MPHOSPH6: variants seen among roughly 807,000 people sequenced by gnomAD.
MPHOSPH6 encodes the protein M-phase phosphoprotein 6.
MPHOSPH6 carries 25 observed loss-of-function variants against 21.8 expected under a neutral mutation model. The ratio of observed to expected loss-of-function variants is 1.15; its 90% CI spans 0.83 to 1.60. The LOEUF (loss-of-function observed/expected upper bound fraction) is 1.60, where lower values mean the gene tolerates loss of function less well. Among genes scored for constraint, MPHOSPH6 ranks in the 40% most tolerant of loss-of-function variants. The pLI is 0.00. For missense variants in MPHOSPH6, 269 were observed against 181.8 expected (o/e 1.48, Z -2.76); for synonymous variants, 84 against 56.5 (o/e 1.49, Z -2.18).
chr16:82,168,469 TC>T (rs1179333336), intron 1 of MPHOSPH6, among the ~76,000 whole-genome samples: 1 of 45,978 alleles, frequency 2.2e-5, no homozygotes, highest in African/African-American at 1.2e-4. Flanking sequence ...GTTTACTCTC[TC>T]TCTTTTTTTT....
intron 1 of MPHOSPH6, chr16:82,167,705 A>G (rs766070734): frequency 6.6e-6 from 1 of 152,280 alleles, no homozygotes; most frequent in South Asian, 2.1e-4. Context: ...TTCTGATCCT[A>G]GGAGAATCTA....
intron 2 of MPHOSPH6, among the ~76,000 whole-genome samples, chr16:82,153,999 C>T (rs1280611337): frequency 6.6e-6 from 1 of 152,028 alleles, no homozygotes; most frequent in Non-Finnish European, 1.5e-5. Flanking sequence ...AATCTCTCAT[C>T]TAAAGATCTG....
intron 2 of MPHOSPH6, among the ~76,000 whole-genome samples, chr16:82,160,656 G>C (rs1054354255): frequency 1.3e-5 from 2 of 152,202 alleles, no homozygotes; most frequent in Admixed American, 6.5e-5. Flanking sequence ...CAGCTATGAT[G>C]CAAATCCACT....
chr16:82,160,665 C>T (rs779500746), intron 2 of MPHOSPH6, among the ~76,000 whole-genome samples: 1 of 152,192 alleles, frequency 6.6e-6, no homozygotes, highest in Non-Finnish European at 1.5e-5. Context: ...TGCAAATCCA[C>T]TGGGTGCACA....
intron 2 of MPHOSPH6, among the ~76,000 whole-genome samples, chr16:82,154,663 T>A (rs773595063): frequency 1.7e-4 from 26 of 151,648 alleles, no homozygotes; most frequent in African/African-American, 5.1e-4. Flanking sequence ...AAAAACAATT[T>A]AAAAAAATAA....
intron 1 of MPHOSPH6, among the ~76,000 whole-genome samples, chr16:82,166,784 C>T (rs952384085): frequency 6.6e-6 from 1 of 152,216 alleles, no homozygotes; most frequent in Non-Finnish European, 1.5e-5. Flanking sequence ...CTCATCAATA[C>T]TGCCCAACTG....
intron 2 of MPHOSPH6, among the ~76,000 whole-genome samples, chr16:82,161,152 C>T (rs1307813564): frequency 6.6e-6 from 1 of 152,220 alleles, no homozygotes; most frequent in Non-Finnish European, 1.5e-5. Context: ...CTTATGAAGG[C>T]TCCTGTGTCA....
chr16:82,149,536 CT>C lies in MPHOSPH6; in HGVS notation c.256-134del, dbSNP rs1412112665. 298 of 738,080 alleles carry C rather than the reference CT, an allele frequency of 4.0e-4. No individual in the cohort carries two copies. The East Asian group carries it at 7.6e-3, about 19-fold the overall frequency. 45.7% of individuals were successfully genotyped at this position (738,080 alleles called of 1,614,324 possible). The stretch of plus-strand genomic sequence containing the variant: ...CTAGTCAAAATTGATAAGGGACTCT[CT>C]GTAATACTTGATACCACAATGGTGT... On this transcript the variant is annotated intron_variant, in intron 3 of 4. Transcript: ENST00000258169.
At chr16:82,168,464 C>CTG (rs1906860902) in intron 1 of MPHOSPH6, among the ~76,000 whole-genome samples, 1 of 48,770 alleles carries the variant, frequency 2.1e-5, no homozygotes, top group Non-Finnish European at 3.8e-5. Context: ...ATAATGTTTA[C>CTG]TCTCTCTCTT....
chr16:82,158,842 G>A (rs1476514561), intron 2 of MPHOSPH6, among the ~76,000 whole-genome samples: 2 of 152,174 alleles, frequency 1.3e-5, no homozygotes, highest in Non-Finnish European at 2.9e-5. Flanking sequence ...ACTAATGAAT[G>A]TGATTTTTGA....
At chr16:82,156,978 G>A (rs1248167935) in intron 2 of MPHOSPH6, among the ~76,000 whole-genome samples, 1 of 152,138 alleles carries the variant, frequency 6.6e-6, no homozygotes, top group Admixed American at 6.5e-5. Context: ...GCTTGAACCT[G>A]GGAAGCAGGC....
At chr16:82,159,895 C>G (rs1207882943) in intron 2 of MPHOSPH6, among the ~76,000 whole-genome samples, 1 of 152,170 alleles carries the variant, frequency 6.6e-6, no homozygotes, top group Non-Finnish European at 1.5e-5. Context: ...TTTCTATGAA[C>G]TTGGGATTCC....
chr16:82,170,170 C>G lies in MPHOSPH6; in HGVS notation c.6G>C (p.Ala2=). Residue 2 remains alanine (A), a synonymous_variant, in exon 1 of 5, where the codon GCG becomes GCC. Coordinates refer to ENST00000258169, the MANE Select transcript of MPHOSPH6 (RefSeq NM_005792.2). The part of the protein sequence containing the change: M[A]AERKTRLSKN... ...TGGACAACCTTGTCTTTCGCTCGGCCGCCATGGTAGCTTCCGCCCAGCGCC... is the reference window on the plus strand; with the variant it reads ...TGGACAACCTTGTCTTTCGCTCGGCGGCCATGGTAGCTTCCGCCCAGCGCC... 6.3e-7 allele frequency: 1 copy of G among 1,590,874 alleles called. No homozygotes were observed. Among genetic ancestry groups the G allele is most frequent in the Admixed American group, 1.7e-5 (1 of 57,514 alleles).
intron 3 of MPHOSPH6, among the ~76,000 whole-genome samples, chr16:82,150,915 T>C (rs1481250856): frequency 1.3e-5 from 2 of 152,252 alleles, no homozygotes; most frequent in Admixed American, 1.3e-4. Context: ...TCTGCTTCTC[T>C]ATCCTGGAGC....
chr16:82,149,810 A>G (rs1207400861), intron 3 of MPHOSPH6, among the ~76,000 whole-genome samples: 1 of 152,110 alleles, frequency 6.6e-6, no homozygotes, highest in African/African-American at 2.4e-5. Flanking sequence ...ATAATTTTAA[A>G]TGCATCTCTT....
Position 82,165,139 on chromosome 16 carries a change from T to A in MPHOSPH6, c.52-945A>T, listed in dbSNP as rs1009033368. On this transcript the variant is annotated intron_variant, in intron 1 of 4. Transcript: ENST00000258169. ...CTTTTTTATTTTTTTTTTTATTTTTTTTTTTTGAGACAGAGTCTCACTCTG... is the reference window on the plus strand; with the variant it reads ...CTTTTTTATTTTTTTTTTTATTTTTATTTTTTGAGACAGAGTCTCACTCTG... Among the ~76,000 whole-genome samples the A allele has an allele frequency of 3.9e-3, 515 of 131,400 alleles. 18 individuals are homozygous for A. The highest frequency in any genetic ancestry group is 7.4e-3 in the Middle Eastern group (2 of 272). The allele number at this position is 131,400 out of a possible 152,430, so 86.2% of individuals were successfully genotyped here.
chr16:82,169,795 A>C (rs1334749877), intron 1 of MPHOSPH6, among the ~76,000 whole-genome samples: 1 of 152,202 alleles, frequency 6.6e-6, no homozygotes, highest in Admixed American at 6.5e-5. Flanking sequence ...TTGCATATAT[A>C]AGTAAGCAAC....
At chr16:82,168,320 A>G (rs1906854398) in intron 1 of MPHOSPH6, among the ~76,000 whole-genome samples, 1 of 152,122 alleles carries the variant, frequency 6.6e-6, no homozygotes, top group African/African-American at 2.4e-5. Flanking sequence ...TCTGTTCAGT[A>G]AAGATTCAAA....
At chr16:82,149,235 G>A (rs1457407537) in intron 4 of MPHOSPH6, 74 bp downstream of exon 4, 9 of 1,447,430 alleles carry the variant, frequency 6.2e-6, no homozygotes, top group Middle Eastern at 1.8e-4. Flanking sequence ...TGCACTGTGG[G>A]GTAAGAGGAG....
Sources: gnomAD v4.1 joint callset for allele counts (sites outside exome capture counted in the v4.1 genomes callset) on GRCh38, gnomAD v4.1.1 for gene constraint, MANE v1.5 for transcripts, NCBI Gene and HGNC (gene_info 2026-07-23, HGNC 2026-07-21) for gene names.